NOL7: variants seen among roughly 807,000 people sequenced by gnomAD.
The protein encoded by NOL7 is nucleolar protein 7, also known as U3 small nucleolar RNA-associated protein NOL7.
A neutral mutation model predicts 38.4 loss-of-function variants in NOL7; 36 were observed. The ratio of observed to expected loss-of-function variants is 0.94; its 90% confidence interval spans 0.72 to 1.24. The LOEUF (loss-of-function observed/expected upper bound fraction) is 1.24, where lower values mean the gene tolerates loss of function less well. Ranked by LOEUF, NOL7 falls within the 50% of genes most tolerant of loss-of-function variation. NOL7 has a pLI of 0.00. For missense variants in NOL7, 350 were observed against 315.1 expected (o/e 1.11, Z -0.84); for synonymous variants, 142 against 126.5 (o/e 1.12, Z -0.82).
In NOL7 at chr6:13,615,344, A is replaced by C. The variant is rs185604198; in HGVS notation, c.-15A>C. On this transcript the variant is annotated 5_prime_UTR_variant, in exon 1 of 8. Coordinates refer to ENST00000451315, the MANE Select transcript of NOL7 (RefSeq NM_016167.5). Reference sequence around the variant, plus strand: ...TTCCGGGTCAGAGGTCAGACGGTCTAGCGCTGCGTGGGCCATGGTGCAGCT... The same window carrying C: ...TTCCGGGTCAGAGGTCAGACGGTCTCGCGCTGCGTGGGCCATGGTGCAGCT... The C allele has an allele frequency of 6.1e-6, 9 of 1,473,692 alleles. No homozygotes were observed. In the South Asian group the frequency reaches 9.8e-5, roughly 16 times the overall value. 91.3% of individuals were successfully genotyped at this position (1,473,692 alleles called of 1,614,324 possible). A position where few individuals can be genotyped will look rare whatever the true frequency, so the allele number is the denominator to read the frequency against.
downstream of NOL7, chr6:13,622,557 CAGG>C (rs1376938136): frequency 6.7e-5 from 98 of 1,456,976 alleles, 1 homozygote; most frequent in East Asian, 2.2e-3. Context: ...ACATTTCAAT[CAGG>C]AGAATACTGC....
chr6:13,627,251 C>A (rs546243906), intron 8 of NOL7, among the ~76,000 whole-genome samples: 171 of 152,220 alleles, frequency 1.1e-3, no homozygotes, highest in African/African-American at 3.9e-3. Flanking sequence ...TTCTACTTCC[C>A]GCCCCTAACC....
intron 5 of NOL7, among the ~76,000 whole-genome samples, chr6:13,619,369 G>T (rs572851578): frequency 6.6e-6 from 1 of 152,360 alleles, no homozygotes; most frequent in South Asian, 2.1e-4. Context: ...GATGTCTGTA[G>T]TATCTGTCTT....
chr6:13,617,731 A>G (rs748512112), intron 3 of NOL7, 39 bp from the exon 4 acceptor site: 1 of 1,601,360 alleles, frequency 6.2e-7, no homozygotes, highest in East Asian at 2.2e-5. Flanking sequence ...AGTAATCTTT[A>G]CTGCCATTGC....
At chr6:13,622,138 T>C (rs538793199), downstream of NOL7, 4 of 340,366 alleles carry the variant, frequency 1.2e-5, no homozygotes, top group South Asian at 5.6e-4. Context: ...TTCAGTAATA[T>C]TTAACTCTTA....
At chr6:13,627,925 C>T (rs1270950140) in intron 8 of NOL7, among the ~76,000 whole-genome samples, 1 of 152,000 alleles carries the variant, frequency 6.6e-6, no homozygotes, top group Non-Finnish European at 1.5e-5. Flanking sequence ...CACACGTTTA[C>T]CTATGTAACA....
At chr6:13,625,569 C>A, downstream of NOL7, 2 of 808,850 alleles carry the variant, frequency 2.5e-6, no homozygotes, top group Non-Finnish European at 3.9e-6. Flanking sequence ...ATGATTTTAC[C>A]AAAGTGTAAA....
chr6:13,616,624 C>A (rs997409606), intron 3 of NOL7, 103 bp downstream of exon 3: 1 of 761,144 alleles, frequency 1.3e-6, no homozygotes, highest in Non-Finnish European at 2.1e-6. Context: ...AATTGTAGAA[C>A]CCAAATTCAA....
chr6:13,628,328 A>G (rs7742721), intron 8 of NOL7, among the ~76,000 whole-genome samples: 151,547 of 152,332 alleles, frequency 0.99, 75,382 homozygotes, highest in East Asian at 1. Context: ...TGCTTCAAGA[A>G]AAGGCTTACA....
intron 2 of NOL7, among the ~76,000 whole-genome samples, 189 bp from the exon 3 acceptor site, chr6:13,616,274 G>A (rs551416598): frequency 6.6e-6 from 1 of 152,160 alleles, no homozygotes; most frequent in African/African-American, 2.4e-5. Context: ...TTTTCATCAA[G>A]TCTTTCAGAG....
intron 8 of NOL7, among the ~76,000 whole-genome samples, chr6:13,630,200 G>T (rs1324722335): frequency 1.3e-5 from 2 of 152,094 alleles, no homozygotes; most frequent in Admixed American, 1.3e-4. Context: ...GATGGAAGCA[G>T]CTCAGAGTAT....
At chr6:13,625,793 A>T, downstream of NOL7, 3 of 1,453,354 alleles carry the variant, frequency 2.1e-6, no homozygotes, top group Non-Finnish European at 2.9e-6. Flanking sequence ...TTTGGTTTTA[A>T]TTCAAATAGT....
chr6:13,617,707 T>C, intron 3 of NOL7, 63 bp from the exon 4 acceptor site: 1 of 1,484,736 alleles, frequency 6.7e-7, no homozygotes, highest in Non-Finnish European at 9.4e-7. Context: ...AATGAAATAA[T>C]ATAACATGTT....
chr6:13,618,268 T>A (rs1764339777), intron 5 of NOL7, 129 bp downstream of exon 5: 1 of 264,360 alleles, frequency 3.8e-6, no homozygotes, highest in South Asian at 1.6e-4. Context: ...TGAGACGGAG[T>A]CTCGCTCTGT....
chr6:13,628,369 T>C (rs531286998), intron 8 of NOL7, among the ~76,000 whole-genome samples: 5 of 152,278 alleles, frequency 3.3e-5, no homozygotes, highest in East Asian at 3.9e-4. Context: ...TACATTACTA[T>C]TGACTTAATA....
Position 13,620,980 on chromosome 6 carries a change from T to C in NOL7, c.*153T>C, listed in dbSNP as rs1764428907. On this transcript the variant is annotated 3_prime_UTR_variant, in exon 8 of 8. Coordinates refer to ENST00000451315, the MANE Select transcript of NOL7 (RefSeq NM_016167.5). ...ATTCTTCTGGAGTAGAACTGTGCCT[T>C]GCAATCCTAGAGGAAAAAGTGGTTT... 2 of 497,780 alleles carry C rather than the reference T, an allele frequency of 4.0e-6. No homozygotes were observed. Among genetic ancestry groups the C allele is most frequent in the East Asian group, 6.5e-5 (2 of 30,660 alleles). The allele number at this position is 497,780 out of a possible 1,614,324, so 30.8% of individuals were successfully genotyped here.
At chr6:13,617,464 A>G (rs1645322241) in intron 3 of NOL7, among the ~76,000 whole-genome samples, 1 of 152,196 alleles carries the variant, frequency 6.6e-6, no homozygotes, top group South Asian at 2.1e-4. Context: ...TATTTCAAAT[A>G]CTTTATAACT....
chr6:13,617,676 G>C (rs1764327231), intron 3 of NOL7, 94 bp from the exon 4 acceptor site: 1 of 1,154,998 alleles, frequency 8.7e-7, no homozygotes, highest in Non-Finnish European at 1.3e-6. Context: ...AATGAAAGGG[G>C]GTGTCTTACT....
chr6:13,616,543 A>G (rs1764293306), intron 3 of NOL7, 22 bp downstream of exon 3: 2 of 1,538,786 alleles, frequency 1.3e-6, no homozygotes, highest in South Asian at 1.1e-5. Context: ...ATCTTTTTAT[A>G]TTACTTGCTT....
Sources: gnomAD v4.1 joint callset for allele counts (sites outside exome capture counted in the v4.1 genomes callset) on GRCh38, gnomAD v4.1.1 for gene constraint, MANE v1.5 for transcripts, NCBI Gene and HGNC (gene_info 2026-07-23, HGNC 2026-07-21) for gene names.